CORO2A: variants seen among roughly 807,000 people sequenced by gnomAD.
CORO2A encodes the protein coronin 2A, also known as coronin-2A.
Under a neutral mutation model 62.4 loss-of-function variants are expected in CORO2A, and 47 were observed. That is an observed-to-expected ratio of 0.75 (90% CI 0.60 to 0.96). CORO2A has a LOEUF of 0.96. CORO2A is among the 40% of genes least tolerant of loss of function. The probability of loss-of-function intolerance (pLI) is 0.00; values close to 1 mark genes in which losing one functional copy is unlikely to be tolerated. For missense variants in CORO2A, 610 were observed against 684.1 expected (o/e 0.89, Z 1.21); for synonymous variants, 273 against 268.9 (o/e 1.02, Z -0.15).
At chr9:98,128,784 G>T in intron 8 of CORO2A, 65 bp from the exon 9 acceptor site, 1 of 1,353,714 alleles carries the variant, frequency 7.4e-7, no homozygotes, top group Non-Finnish European at 1.1e-6. Flanking sequence ...TAGGGCCAAA[G>T]CCAGGCTGCA....
chr9:98,174,388 C>A (rs113111117), intron 1 of CORO2A, among the ~76,000 whole-genome samples: 45 of 152,302 alleles, frequency 3.0e-4, no homozygotes, highest in Non-Finnish European at 5.9e-4. Context: ...CATGTATATT[C>A]CTGTTTTGTC....
In CORO2A at chr9:98,174,055, C is replaced by T. The variant is rs551417918; in HGVS notation, c.1-16395G>A. ...CTGGGAGGTGGAGGTTGCTGTGAGCCGAGATTGCGCCATTGCACTCCAGCC... is the reference window on the plus strand; with the variant it reads ...CTGGGAGGTGGAGGTTGCTGTGAGCTGAGATTGCGCCATTGCACTCCAGCC... On this transcript the variant is annotated intron_variant, in intron 1 of 11. Coordinates refer to ENST00000375077, the MANE Select transcript of CORO2A (RefSeq NM_052820.4). 3.9e-5 allele frequency among the ~76,000 whole-genome samples: 6 copies of T among 152,094 alleles called. No homozygotes were observed. The East Asian group carries it at 5.8e-4, about 15-fold the overall frequency.
At chr9:98,154,816 A>T (rs2118869167) in intron 2 of CORO2A, among the ~76,000 whole-genome samples, 2 of 152,312 alleles carry the variant, frequency 1.3e-5, no homozygotes, top group Middle Eastern at 3.4e-3. Flanking sequence ...TTGTATGGAT[A>T]TGCCATAATT....
intron 11 of CORO2A, 117 bp from the exon 12 acceptor site, chr9:98,125,022 G>A (rs1360458889): frequency 1.9e-6 from 2 of 1,080,790 alleles, no homozygotes; most frequent in East Asian, 5.3e-5. Context: ...ACATGGCTGA[G>A]GCCTGATGGG....
At chr9:98,132,505 A>G (rs1180832600) in intron 5 of CORO2A, among the ~76,000 whole-genome samples, 2 of 152,144 alleles carry the variant, frequency 1.3e-5, no homozygotes, top group African/African-American at 4.8e-5. Flanking sequence ...ATCTTTGTTA[A>G]GAGTTATTTT....
intron 2 of CORO2A, among the ~76,000 whole-genome samples, chr9:98,154,822 T>C (rs1827781196): frequency 6.6e-6 from 1 of 152,240 alleles, no homozygotes; most frequent in African/African-American, 2.4e-5. Context: ...GGATATGCCA[T>C]AATTTATTTA....
At chr9:98,154,362 C>CATATATATATATACACACAAATACAT (rs1827774345) in intron 2 of CORO2A, among the ~76,000 whole-genome samples, 1 of 87,818 alleles carries the variant, frequency 1.1e-5, no homozygotes, top group Non-Finnish European at 2.3e-5. Context: ...TACACAAATA[C>CATATATATATATACACACAAATACAT]ATATATATAT....
At chr9:98,158,399 G>A (rs1006106944) in intron 1 of CORO2A, among the ~76,000 whole-genome samples, 1 of 152,196 alleles carries the variant, frequency 6.6e-6, no homozygotes, top group South Asian at 2.1e-4. Context: ...TTGATCAACA[G>A]TGGCAATCAC....
chr9:98,164,296 G>C (rs1276813722), intron 1 of CORO2A, among the ~76,000 whole-genome samples: 2 of 152,174 alleles, frequency 1.3e-5, no homozygotes, highest in Non-Finnish European at 2.9e-5. Context: ...TCTCATCATG[G>C]GTGGGTCCCT....
rs1656409992 is a variant in CORO2A at position 98,121,039 on chromosome 9, A to G, written c.*3735T>C. Reference sequence around the variant, plus strand: ...TATTTCCATTGCATATTCCACATCTATTTATTTTCACTTTTATTTATTATC... The same window carrying G: ...TATTTCCATTGCATATTCCACATCTGTTTATTTTCACTTTTATTTATTATC... On this transcript the variant is annotated 3_prime_UTR_variant, in exon 12 of 12. Coordinates refer to ENST00000375077, the MANE Select transcript of CORO2A (RefSeq NM_052820.4). 6.6e-6 allele frequency: 1 copy of G among 152,180 alleles called. No homozygotes were observed. The highest frequency in any genetic ancestry group is 1.5e-5 in the Non-Finnish European group (1 of 68,040). 9.4% of individuals were successfully genotyped at this position (152,180 alleles called of 1,614,324 possible). A position where few individuals can be genotyped will look rare whatever the true frequency, so the allele number is the denominator to read the frequency against.
intron 2 of CORO2A, among the ~76,000 whole-genome samples, chr9:98,139,501 C>T (rs568386231): frequency 6.6e-6 from 1 of 152,298 alleles, no homozygotes; most frequent in African/African-American, 2.4e-5. Flanking sequence ...GTGGCACATG[C>T]CTGTAATCCA....
intron 2 of CORO2A, among the ~76,000 whole-genome samples, chr9:98,140,563 C>A (rs1479011014): frequency 6.6e-6 from 1 of 152,086 alleles, no homozygotes; most frequent in African/African-American, 2.4e-5. Context: ...CTCACCCTCC[C>A]AAGTTCCAGG....
intron 2 of CORO2A, among the ~76,000 whole-genome samples, chr9:98,138,545 ATAC>A (rs1827521604): frequency 6.6e-6 from 1 of 152,252 alleles, no homozygotes; most frequent in East Asian, 1.9e-4. Context: ...ATGCAGCAGA[ATAC>A]TACTGTCCCT....
At chr9:98,162,172 C>T (rs186942855) in intron 1 of CORO2A, among the ~76,000 whole-genome samples, 148 of 152,340 alleles carry the variant, frequency 9.7e-4, no homozygotes, top group Non-Finnish European at 1.6e-3. Context: ...GGCCTGGGGG[C>T]TGCACTCAGC....
Position 98,132,968 on chromosome 9 carries a change from A to T in CORO2A, c.648+70T>A. The T allele has an allele frequency of 2.6e-6, 4 of 1,552,968 alleles. 1 individual carries two copies. The highest frequency in any genetic ancestry group is 3.5e-6 in the Non-Finnish European group (4 of 1,134,770). On this transcript the variant is annotated intron_variant, in intron 5 of 11. Transcript: ENST00000375077. Reference sequence around the variant, plus strand: ...GACAGCATCACTGTCCTGTTCTCTGAAGCCTCTCTCTGTCCCCACTCTGCT... The same window carrying T: ...GACAGCATCACTGTCCTGTTCTCTGTAGCCTCTCTCTGTCCCCACTCTGCT...
intron 3 of CORO2A, among the ~76,000 whole-genome samples, chr9:98,136,881 T>C (rs1326003517): frequency 6.6e-6 from 1 of 152,202 alleles, no homozygotes; most frequent in Non-Finnish European, 1.5e-5. Flanking sequence ...AGAGACAGGG[T>C]CTCACTATGT....
chr9:98,164,585 C>G (rs1201412284), intron 1 of CORO2A, among the ~76,000 whole-genome samples: 1 of 149,198 alleles, frequency 6.7e-6, no homozygotes, highest in African/African-American at 2.4e-5. Context: ...GCTACTTCTC[C>G]TCTGTAAGGG....
Position 98,132,118 on chromosome 9 carries a change from A to C in CORO2A, c.765+67T>G, listed in dbSNP as rs1265885651. On this transcript the variant is annotated intron_variant, in intron 6 of 11. Coordinates refer to ENST00000375077, the MANE Select transcript of CORO2A (RefSeq NM_052820.4). ...CATAAATGGGTGTCTAAATGAATGCATGCATGAATGAATGACACTGGCTCT... is the reference window on the plus strand; with the variant it reads ...CATAAATGGGTGTCTAAATGAATGCCTGCATGAATGAATGACACTGGCTCT... 14 of 1,161,310 alleles carry C rather than the reference A, an allele frequency of 1.2e-5. No homozygotes were observed. The Admixed American group carries it at 2.2e-4, about 18-fold the overall frequency. The allele number at this position is 1,161,310 out of a possible 1,614,324, so 71.9% of individuals were successfully genotyped here.
intron 1 of CORO2A, among the ~76,000 whole-genome samples, chr9:98,185,465 CCTT>C (rs1209578639): frequency 1.6e-4 from 24 of 152,252 alleles, no homozygotes; most frequent in African/African-American, 5.8e-4. Context: ...GGTCAGCTCT[CCTT>C]CTTCAGAGGC....
Sources: gnomAD v4.1 joint callset for allele counts (sites outside exome capture counted in the v4.1 genomes callset) on GRCh38, gnomAD v4.1.1 for gene constraint, MANE v1.5 for transcripts, NCBI Gene and HGNC (gene_info 2026-07-23, HGNC 2026-07-21) for gene names.